Variants in NAPEPLD observed in about 807,000 individuals in gnomAD.
NAPEPLD encodes the protein N-acyl-phosphatidylethanolamine-hydrolyzing phospholipase D.
In NAPEPLD, 23 loss-of-function variants were observed where a neutral mutation model predicts 38.1. The observed-to-expected ratio is 0.60, with a 90% CI of 0.43 to 0.86. The LOEUF is 0.86. Among genes scored for constraint, NAPEPLD ranks in the 40% least tolerant of loss-of-function variants. NAPEPLD has a pLI of 0.00. For synonymous variants in NAPEPLD, 147 were observed against 162.0 expected, an observed-to-expected ratio of 0.91 and a Z score of 0.71; for missense variants, 411 against 476.8, an observed-to-expected ratio of 0.86 and a Z score of 1.28.
rs1405394100 is a variant in NAPEPLD at position 103,100,080 on chromosome 7, A to T, written c.*3349T>A. On this transcript the variant is annotated 3_prime_UTR_variant, in exon 5 of 5. Coordinates refer to ENST00000465647, the MANE Select transcript of NAPEPLD (RefSeq NM_001122838.3). ...AAGTCACAAATCCTCAAACAGAAAT[A>T]TGTGTGTTCTCAATGTTACCCTGAT... 6.6e-6 allele frequency: 1 copy of T among 152,198 alleles called. No homozygotes were observed. The highest frequency in any genetic ancestry group is 6.5e-5 in the Admixed American group (1 of 15,286). The allele number at this position is 152,198 out of a possible 1,614,324, so 9.4% of individuals were successfully genotyped here.
chr7:103,115,357 G>A (rs193071751), intron 3 of NAPEPLD, 183 bp from the exon 4 acceptor site: 79 of 492,710 alleles, frequency 1.6e-4, no homozygotes, highest in African/African-American at 1.4e-3. Context: ...TGAAGGCCAG[G>A]TCAAGGCTAG....
intron 1 of NAPEPLD, chr7:103,141,545 A>G (rs1458529897): frequency 5.0e-5 from 66 of 1,326,916 alleles, no homozygotes; most frequent in Non-Finnish European, 6.5e-5. Flanking sequence ...CTTGTTTTTT[A>G]ACACATTCCT....
intron 3 of NAPEPLD, among the ~76,000 whole-genome samples, chr7:103,117,800 TATC>T (rs1030532753): frequency 6.6e-6 from 1 of 152,240 alleles, no homozygotes; most frequent in African/African-American, 2.4e-5. Context: ...GTACATATTT[TATC>T]ATCACAAATA....
intron 1 of NAPEPLD, among the ~76,000 whole-genome samples, chr7:103,136,147 A>G (rs1224078965): frequency 9.9e-5 from 15 of 151,776 alleles, no homozygotes; most frequent in African/African-American, 3.6e-4. Flanking sequence ...CATGCCTGTA[A>G]TCCCAGCTAC....
intron 3 of NAPEPLD, among the ~76,000 whole-genome samples, chr7:103,115,500 A>G (rs1333796423): frequency 6.6e-6 from 1 of 152,250 alleles, no homozygotes; most frequent in Admixed American, 6.5e-5. Flanking sequence ...AAAATAAGTA[A>G]GTCTCAAGCA....
In NAPEPLD at chr7:103,103,329, A is replaced by G; in HGVS notation, c.*100T>C. ...ATAAACTTGCAGAAGTTGTTTCCAA[A>G]TGTAAAATAATCACAATATTCATGA... On this transcript the variant is annotated 3_prime_UTR_variant, in exon 5 of 5. Coordinates refer to ENST00000465647, the MANE Select transcript of NAPEPLD (RefSeq NM_001122838.3). 1.5e-6 allele frequency: 2 copies of G among 1,357,932 alleles called. No individual in the cohort carries two copies. 84.1% of individuals were successfully genotyped at this position (1,357,932 alleles called of 1,614,324 possible).
chr7:103,105,281 A>G (rs1803081786), intron 4 of NAPEPLD, among the ~76,000 whole-genome samples: 1 of 152,166 alleles, frequency 6.6e-6, no homozygotes, highest in East Asian at 1.9e-4. Context: ...TAAATGGGAA[A>G]AGCAGAAGAC....
At chr7:103,109,583 G>C (rs1417600883) in intron 4 of NAPEPLD, among the ~76,000 whole-genome samples, 1 of 152,140 alleles carries the variant, frequency 6.6e-6, no homozygotes, top group East Asian at 1.9e-4. Flanking sequence ...CAGAATCTCT[G>C]GGACACATTT....
In NAPEPLD at chr7:103,100,312, G is replaced by A. The variant is rs538549586; in HGVS notation, c.*3117C>T. 6.6e-6 allele frequency: 1 copy of A among 152,184 alleles called. No individual in the cohort carries two copies. Among genetic ancestry groups the A allele is most frequent in the African/African-American group, 2.4e-5 (1 of 41,514 alleles). 9.4% of individuals were successfully genotyped at this position (152,184 alleles called of 1,614,324 possible). A position where few individuals can be genotyped will look rare whatever the true frequency, so the allele number is the denominator to read the frequency against. ...GAAACTATGCATACATTAAAAACCA[G>A]GATTTGTTTTTAATGTGCTTTAGCA... On this transcript the variant is annotated 3_prime_UTR_variant, in exon 5 of 5. Transcript: ENST00000465647.
intron 2 of NAPEPLD, among the ~76,000 whole-genome samples, chr7:103,125,603 C>T (rs1807590526): frequency 6.6e-6 from 1 of 152,168 alleles, no homozygotes; most frequent in South Asian, 2.1e-4. Flanking sequence ...ACAAATAGGG[C>T]CAGGCACAGT....
chr7:103,129,251 A>C (rs1563362699), intron 1 of NAPEPLD: 3 of 944,080 alleles, frequency 3.2e-6, no homozygotes, highest in Non-Finnish European at 3.8e-6. Context: ...AACAAACAAA[A>C]CAAACATGAA....
At chr7:103,119,455 T>C (rs1424586056) in intron 3 of NAPEPLD, 122 bp downstream of exon 3, 37 of 995,692 alleles carry the variant, frequency 3.7e-5, no homozygotes, top group Non-Finnish European at 4.7e-5. Context: ...CCCCCAATCA[T>C]GTATAACAAA....
intron 2 of NAPEPLD, among the ~76,000 whole-genome samples, chr7:103,123,325 C>T (rs1807089903): frequency 6.6e-6 from 1 of 152,196 alleles, no homozygotes; most frequent in South Asian, 2.1e-4. Context: ...ATGTGCTCAA[C>T]AAAATTTGTT....
At chr7:103,126,782 A>ATTT (rs61285914) in intron 2 of NAPEPLD, 3 of 78,762 alleles carry the variant, frequency 3.8e-5, no homozygotes, top group African/African-American at 1.5e-4. Context: ...AATTTTTTGT[A>ATTT]TTTTTTTTTT....
intron 2 of NAPEPLD, among the ~76,000 whole-genome samples, chr7:103,121,226 G>A (rs1005259184): frequency 3.9e-5 from 6 of 152,184 alleles, no homozygotes; most frequent in South Asian, 2.1e-4. Context: ...AACAAAGCGT[G>A]AAGAGTATTA....
At chr7:103,138,962 T>G (rs1405940487) in intron 1 of NAPEPLD, among the ~76,000 whole-genome samples, 1 of 152,076 alleles carries the variant, frequency 6.6e-6, no homozygotes, top group East Asian at 1.9e-4. Context: ...CCCCTCCTAT[T>G]TCCACTCCCT....
intron 1 of NAPEPLD, chr7:103,147,836 G>A: frequency 3.2e-6 from 1 of 309,206 alleles, no homozygotes; most frequent in Non-Finnish European, 4.7e-6. Context: ...TCTTGTAGCA[G>A]GAAAGCCTGC....
chr7:103,134,053 C>A (rs1257511737), intron 1 of NAPEPLD, among the ~76,000 whole-genome samples: 1 of 152,152 alleles, frequency 6.6e-6, no homozygotes, highest in African/African-American at 2.4e-5. Flanking sequence ...ATAGTTAGGT[C>A]ACACGTTATA....
At chr7:103,121,009 G>A (rs1806590296) in intron 2 of NAPEPLD, among the ~76,000 whole-genome samples, 1 of 152,090 alleles carries the variant, frequency 6.6e-6, no homozygotes. Flanking sequence ...ACTGTGCCTG[G>A]CCTGAATCTC....
Sources: allele counts gnomAD v4.1 joint callset (sites outside exome capture counted in the v4.1 genomes callset), GRCh38; gene constraint gnomAD v4.1.1; transcripts MANE v1.5; gene names NCBI Gene and HGNC (gene_info 2026-07-23, HGNC 2026-07-21).